Variants in EDEM3 observed in about 807,000 individuals in gnomAD.
EDEM3 encodes the protein ER degradation enhancing alpha-mannosidase like protein 3, also known as ER degradation-enhancing alpha-mannosidase-like protein 3.
In EDEM3, 60 loss-of-function variants were observed where a neutral mutation model predicts 110.2. That is an observed-to-expected ratio of 0.54 (90% confidence interval 0.44 to 0.67). The LOEUF is 0.67. EDEM3 is among the 30% of genes least tolerant of loss of function. The probability of loss-of-function intolerance (pLI) is 0.00; values close to 1 mark genes in which losing one functional copy is unlikely to be tolerated. For synonymous variants in EDEM3, 352 were observed against 382.9 expected (o/e 0.92, Z 0.94); for missense variants, 996 against 1,121.0 (o/e 0.89, Z 1.59).
chr1:184,703,128 T>G, intron 18 of EDEM3, 132 bp from the exon 19 acceptor site: 1 of 747,744 alleles, frequency 1.3e-6, no homozygotes, highest in South Asian at 2.7e-5. Context: ...CCAACATAAT[T>G]TTTGGACCCA....
Position 184,690,464 on chromosome 1 carries a change from T to G in EDEM3, c.*3599A>C, listed in dbSNP as rs1178685600. ...ACATCAAGACATAAAAGTATGAGGA[T>G]ATGCACAGTGATTCTAAAAATTCAA... On this transcript the variant is annotated 3_prime_UTR_variant, in exon 20 of 20. Transcript: ENST00000318130. The G allele has an allele frequency of 6.6e-6, 1 of 152,402 alleles. No homozygotes were observed. The highest frequency in any genetic ancestry group is 1.5e-5 in the Non-Finnish European group (1 of 67,986). 9.4% of individuals were successfully genotyped at this position (152,402 alleles called of 1,614,324 possible). A position where few individuals can be genotyped will look rare whatever the true frequency, so the allele number is the denominator to read the frequency against.
rs527823494 is a variant in EDEM3 at position 184,691,862 on chromosome 1, A to G, written c.*2201T>C. On this transcript the variant is annotated 3_prime_UTR_variant, in exon 20 of 20. Transcript: ENST00000318130. The stretch of plus-strand genomic sequence containing the variant: ...TTTTTAAGGATTTACTTTTCTTAAC[A>G]AGTGAACAATTTGCTTCTAAGCGTC... 10 of 152,216 alleles carry G rather than the reference A, an allele frequency of 6.6e-5. No individual in the cohort carries two copies. The South Asian group carries it at 2.1e-3, about 32-fold the overall frequency. 9.4% of individuals were successfully genotyped at this position (152,216 alleles called of 1,614,324 possible).
intron 19 of EDEM3, among the ~76,000 whole-genome samples, chr1:184,699,637 T>G (rs1649509825): frequency 1.3e-5 from 2 of 151,804 alleles, no homozygotes; most frequent in East Asian, 3.9e-4. Context: ...CCAATCAAAT[T>G]CAGTGGGGGA....
rs763133452 is a variant in EDEM3 at position 184,721,404 on chromosome 1, T to C, written c.854-18A>G. On this transcript the variant is annotated intron_variant, in intron 8 of 19. Transcript: ENST00000318130. ...TCCACTATCTATGGAAACACAAATG[T>C]GATTTTTCATTAAATTTTTTTAAAA... 3 of 1,558,668 alleles carry C rather than the reference T, an allele frequency of 1.9e-6. No individual in the cohort carries two copies. Among genetic ancestry groups the C allele is most frequent in the Non-Finnish European group, 2.6e-6 (3 of 1,158,840 alleles).
At chr1:184,733,226 A>C (rs1032365710) in intron 5 of EDEM3, among the ~76,000 whole-genome samples, 9 of 152,166 alleles carry the variant, frequency 5.9e-5, no homozygotes, top group Non-Finnish European at 8.8e-5. Flanking sequence ...TGCGTTCTTA[A>C]ATAGCTTTAA....
rs12069573 is a variant in EDEM3 at position 184,728,997 on chromosome 1, A to G, written c.613-2608T>C. On this transcript the variant is annotated intron_variant, in intron 6 of 19. Coordinates refer to ENST00000318130, the MANE Select transcript of EDEM3 (RefSeq NM_025191.4). The stretch of plus-strand genomic sequence containing the variant: ...TCCACAAATCAGGGAAGAAGGGTTC[A>G]GTGCTTTTTTTGCTTACGGGATCCT... Among the ~76,000 whole-genome samples the G allele has an allele frequency of 2.3e-3, 354 of 152,270 alleles. 1 individual carries two copies. The highest frequency in any genetic ancestry group is 6.8e-3 in the Middle Eastern group (2 of 294).
chr1:184,746,225 C>A (rs984587882), intron 2 of EDEM3, among the ~76,000 whole-genome samples: 6 of 152,172 alleles, frequency 3.9e-5, no homozygotes, highest in Non-Finnish European at 8.8e-5. Context: ...TTGTAGTAAT[C>A]TACCTAAAGC....
rs571592609 is a variant in EDEM3, at chr1:184,717,690, T to C, written c.1162-67A>G. ...AATACACAAGTAGTTCCAGAATATATAGAATATATATAAATAGGTAAAAGC... is the reference window on the plus strand; with the variant it reads ...AATACACAAGTAGTTCCAGAATATACAGAATATATATAAATAGGTAAAAGC... On this transcript the variant is annotated intron_variant, in intron 11 of 19. Coordinates refer to ENST00000318130, the MANE Select transcript of EDEM3 (RefSeq NM_025191.4). 27 of 1,177,902 alleles carry C rather than the reference T, an allele frequency of 2.3e-5. No individual in the cohort carries two copies. The South Asian group carries it at 2.8e-4, about 12-fold the overall frequency. 73.0% of individuals were successfully genotyped at this position (1,177,902 alleles called of 1,614,324 possible). A position where few individuals can be genotyped will look rare whatever the true frequency, so the allele number is the denominator to read the frequency against.
At chr1:184,750,068 ACG>A (rs1652672643) in intron 1 of EDEM3, among the ~76,000 whole-genome samples, 1 of 152,218 alleles carries the variant, frequency 6.6e-6, no homozygotes, top group Non-Finnish European at 1.5e-5. Context: ...TGAAATAACA[ACG>A]CTTTATGAAG....
chr1:184,744,172 A>ATATTTTTGATATGGGACT (rs1652289709), intron 2 of EDEM3, among the ~76,000 whole-genome samples: 1 of 149,702 alleles, frequency 6.7e-6, no homozygotes, highest in Non-Finnish European at 1.5e-5. Flanking sequence ...AAATATATCC[A>ATATTTTTGATATGGGACT]AAGCATATAT....
At chr1:184,698,392 G>A (rs1649439421) in intron 19 of EDEM3, among the ~76,000 whole-genome samples, 1 of 151,794 alleles carries the variant, frequency 6.6e-6, no homozygotes, top group South Asian at 2.1e-4. Flanking sequence ...GCCTAATAGT[G>A]ACATGGTTAA....
chr1:184,717,491 A>G, intron 12 of EDEM3, 49 bp downstream of exon 12: 2 of 1,475,204 alleles, frequency 1.4e-6, no homozygotes, highest in Non-Finnish European at 1.9e-6. Context: ...GAGAGATCCA[A>G]CAGAGAATGG....
intron 2 of EDEM3, among the ~76,000 whole-genome samples, chr1:184,743,352 G>A (rs534174532): frequency 7.2e-5 from 11 of 152,164 alleles, no homozygotes; most frequent in African/African-American, 2.6e-4. Flanking sequence ...TGAGGGATAC[G>A]TAATTCATAT....
intron 18 of EDEM3, among the ~76,000 whole-genome samples, chr1:184,704,273 T>C (rs908004554): frequency 1.3e-5 from 2 of 152,118 alleles, no homozygotes; most frequent in African/African-American, 4.8e-5. Flanking sequence ...TTTATTCATT[T>C]ATATACAATT....
chr1:184,694,237 AT>A lies in EDEM3; in HGVS notation c.2624del (p.Asn875IlefsTer9). 1.2e-6 allele frequency: 2 copies of A among 1,613,340 alleles called. No individual in the cohort carries two copies. Among genetic ancestry groups the A allele is most frequent in the Non-Finnish European group, 1.7e-6 (2 of 1,179,626 alleles). ...SNPTENHETTNLNGECTDLDN... is the reference protein window; with the variant it reads ...SNPTENHETTXLNGECTDLDN... ...CTAAATCTGTACATTCACCATTAAG[AT>A]TTGTAGTCTCATGGTTTTCTGTGGG... On this transcript the variant is annotated frameshift_variant, in exon 20 of 20. Coordinates refer to ENST00000318130, the MANE Select transcript of EDEM3 (RefSeq NM_025191.4). LOFTEE classifies it high-confidence loss of function.
In EDEM3 at chr1:184,711,753, T is replaced by C. The variant is rs199777596; in HGVS notation, c.1661A>G (p.Asp554Gly). 3 of 1,612,792 alleles carry C rather than the reference T, an allele frequency of 1.9e-6. No individual in the cohort carries two copies. The highest frequency in any genetic ancestry group is 2.7e-5 in the African/African-American group (2 of 74,950). The change falls in exon 15 of 20, where the codon GAT (aspartate) becomes GGT (glycine). Residue 554 changes from aspartate to glycine, a missense_variant. Transcript: ENST00000318130. ...SIREPLKNVV[D>G]KSCPRGIIRV... ...GATGATGCCTCTAGGACAGCTCTTA[T>C]CCACCACATTTTTCAAGGGCTCACG...
chr1:184,737,871 T>A, intron 2 of EDEM3, 160 bp from the exon 3 acceptor site: 2 of 629,634 alleles, frequency 3.2e-6, no homozygotes, highest in Non-Finnish European at 5.2e-6. Flanking sequence ...ATTACAAATG[T>A]AATACATGCT....
In EDEM3 at chr1:184,693,627, T is replaced by C. The variant is rs1649173038; in HGVS notation, c.*436A>G. On this transcript the variant is annotated 3_prime_UTR_variant, in exon 20 of 20. Coordinates refer to ENST00000318130, the MANE Select transcript of EDEM3 (RefSeq NM_025191.4). ...TAATCAGAATGCCACAATACTCGGA[T>C]GCATCTTCCCAAAAGAGCCTCTAAC... The C allele has an allele frequency of 6.3e-6, 1 of 158,866 alleles. No homozygotes were observed. Among genetic ancestry groups the C allele is most frequent in the African/African-American group, 2.4e-5 (1 of 41,540 alleles). 9.8% of individuals were successfully genotyped at this position (158,866 alleles called of 1,614,324 possible).
At chr1:184,697,332 T>A (rs1649382989) in intron 19 of EDEM3, among the ~76,000 whole-genome samples, 1 of 151,876 alleles carries the variant, frequency 6.6e-6, no homozygotes, top group Non-Finnish European at 1.5e-5. Context: ...TCAAAATGAA[T>A]CTCATTTGTA....
Sources: gnomAD v4.1 joint callset for allele counts (sites outside exome capture counted in the v4.1 genomes callset) on GRCh38, gnomAD v4.1.1 for gene constraint, MANE v1.5 for transcripts, NCBI Gene and HGNC (gene_info 2026-07-23, HGNC 2026-07-21) for gene names.